PADI6: variants seen among roughly 807,000 people sequenced by gnomAD.
PADI6 encodes peptidyl arginine deiminase 6, also known as inactive protein-arginine deiminase type-6.
Under a neutral mutation model 78.2 loss-of-function variants are expected in PADI6, and 66 were observed. That is an observed-to-expected ratio of 0.84 (90% CI 0.69 to 1.04). The LOEUF (loss-of-function observed/expected upper bound fraction) is 1.04. PADI6 is among the 50% of genes least tolerant of loss of function. The pLI, the probability that PADI6 is intolerant of heterozygous loss-of-function variation, is 0.00. For missense variants in PADI6, 854 were observed against 866.1 expected (o/e 0.99, Z 0.18); for synonymous variants, 397 against 346.9 (o/e 1.14, Z -1.60).
intron 14 of PADI6, 105 bp downstream of exon 14, chr1:17,397,246 G>C: frequency 8.1e-7 from 1 of 1,233,944 alleles, no homozygotes; most frequent in Non-Finnish European, 1.2e-6. Flanking sequence ...GTTGGGCGGC[G>C]GGGGGCAGCT....
chr1:17,387,002 C>T (rs76091257), intron 6 of PADI6, among the ~76,000 whole-genome samples: 3,120 of 152,054 alleles, frequency 0.021, 126 homozygotes, highest in African/African-American at 0.07. Context: ...AGCTTAGGAT[C>T]CCCTGAAATA....
chr1:17,389,970 G>A (rs2075166111), intron 8 of PADI6, among the ~76,000 whole-genome samples: 1 of 152,192 alleles, frequency 6.6e-6, no homozygotes. Context: ...AAAGGATAAT[G>A]CTGATGGAAT....
chr1:17,401,366 CGG>C lies in PADI6; in HGVS notation c.2014_2015del (p.Gly672ArgfsTer46), dbSNP rs748684371. Reference sequence around the variant, plus strand: ...ACTTTGACTGTTACCTGACAGAGGTCGGAGACATCTGTGCCTGTGCCAACATC... The same window carrying C: ...ACTTTGACTGTTACCTGACAGAGGTCAGACATCTGTGCCTGTGCCAACATC... ...NDFDCYLTEV[G>X]DICACANIRR... On this transcript the variant is annotated frameshift_variant, in exon 16 of 16. Coordinates refer to ENST00000619609, the MANE Select transcript of PADI6 (RefSeq NM_207421.4). LOFTEE classifies it high-confidence loss of function. The C allele has an allele frequency of 1.9e-6, 3 of 1,614,058 alleles. No individual in the cohort carries two copies. In the Admixed American group the frequency reaches 5.0e-5, roughly 27 times the overall value.
At chr1:17,400,623 C>T (rs527545571) in intron 15 of PADI6, among the ~76,000 whole-genome samples, 19 of 152,322 alleles carry the variant, frequency 1.2e-4, no homozygotes, top group African/African-American at 3.6e-4. Flanking sequence ...CAAGCCTATG[C>T]CGACTGTGGC....
intron 6 of PADI6, among the ~76,000 whole-genome samples, chr1:17,382,539 C>A (rs973210356): frequency 6.6e-6 from 1 of 152,198 alleles, no homozygotes; most frequent in East Asian, 1.9e-4. Context: ...CACGGTAGCA[C>A]CTGCATCCCA....
In PADI6 at chr1:17,391,094, AT is replaced by A. The variant is rs1394425883; in HGVS notation, c.963-1018del. Among the ~76,000 whole-genome samples, 4 of 152,228 alleles carry A rather than the reference AT, an allele frequency of 2.6e-5. No homozygotes were observed. In the East Asian group the frequency reaches 7.7e-4, roughly 29 times the overall value. ...GCCAGTAGTTACATTGCTGTATTCT[AT>A]TAGTAGCAACATGAGCTTTGGACCT... On this transcript the variant is annotated intron_variant, in intron 8 of 15. Coordinates refer to ENST00000619609, the MANE Select transcript of PADI6 (RefSeq NM_207421.4).
intron 13 of PADI6, 70 bp downstream of exon 13, chr1:17,395,733 CA>C: frequency 6.6e-7 from 1 of 1,523,620 alleles, no homozygotes. Flanking sequence ...TCTACATAGC[CA>C]TTCTGTCACG....
Position 17,401,400 on chromosome 1 carries a change from G to A in PADI6, c.2047G>A (p.Val683Met). 19 of 1,614,044 alleles carry A rather than the reference G, an allele frequency of 1.2e-5. No homozygotes were observed. Among genetic ancestry groups the A allele is most frequent in the Non-Finnish European group, 1.6e-5 (19 of 1,179,902 alleles). Residue 683 changes from valine (V) to methionine (M), a missense_variant, in exon 16 of 16, where the codon GTG becomes ATG. Val to Met is a conservative substitution (Grantham distance 21). Coordinates refer to ENST00000619609, the MANE Select transcript of PADI6 (RefSeq NM_207421.4). ...DICACANIRR[V>M]PFAFKWWKMV... The stretch of plus-strand genomic sequence containing the variant: ...CTGTGCCTGTGCCAACATCCGCCGG[G>A]TGCCCTTTGCCTTCAAATGGTGGAA...
intron 8 of PADI6, among the ~76,000 whole-genome samples, chr1:17,390,452 C>T (rs1322637804): frequency 6.6e-6 from 1 of 151,582 alleles, no homozygotes; most frequent in Non-Finnish European, 1.5e-5. Context: ...ATACAAAAAA[C>T]AATTAGCCAG....
At position 17,382,072 on chromosome 1, in the gene PADI6, C is replaced by CTCT. The variant is rs1557599518; in HGVS notation, c.659_660insTCT (p.Ala220_Arg221insLeu). 4 of 1,613,758 alleles carry CTCT rather than the reference C, an allele frequency of 2.5e-6. No individual in the cohort carries two copies. In the African/African-American group the frequency reaches 5.3e-5, roughly 22 times the overall value. The stretch of plus-strand genomic sequence containing the variant: ...ACCTCCAAGGAAGAGTCGAAGAAGG[C>CTCT]GAGAGTCTACTGGCCCCAAAGTGAG... On this transcript the variant is annotated inframe_insertion, in exon 6 of 16. Coordinates refer to ENST00000619609, the MANE Select transcript of PADI6 (RefSeq NM_207421.4).
Position 17,391,614 on chromosome 1 carries a change from C to T in PADI6, c.963-500C>T, listed in dbSNP as rs989115989. Among the ~76,000 whole-genome samples, 7 of 152,308 alleles carry T rather than the reference C, an allele frequency of 4.6e-5. No individual in the cohort carries two copies. In the East Asian group the frequency reaches 9.6e-4, roughly 21 times the overall value. On this transcript the variant is annotated intron_variant, in intron 8 of 15. Coordinates refer to ENST00000619609, the MANE Select transcript of PADI6 (RefSeq NM_207421.4). Reference sequence around the variant, plus strand: ...TCTGTGAGCCTGATGCTGTGCACAACGGCTTGAAGACCCCAGGGCTCAAGA... The same window carrying T: ...TCTGTGAGCCTGATGCTGTGCACAATGGCTTGAAGACCCCAGGGCTCAAGA...
At chr1:17,383,566 G>A (rs1350725353) in intron 6 of PADI6, among the ~76,000 whole-genome samples, 8 of 152,228 alleles carry the variant, frequency 5.3e-5, no homozygotes, top group Non-Finnish European at 8.8e-5. Context: ...AGCTTATTCA[G>A]GCTGGGCGTG....
At chr1:17,385,753 G>A (rs2075113133) in intron 6 of PADI6, among the ~76,000 whole-genome samples, 1 of 152,178 alleles carries the variant, frequency 6.6e-6, no homozygotes, top group African/African-American at 2.4e-5. Context: ...CCAAAAGAAA[G>A]GGGTAGCTGG....
At chr1:17,393,386 G>A (rs1345747818) in intron 9 of PADI6, among the ~76,000 whole-genome samples, 3 of 152,192 alleles carry the variant, frequency 2.0e-5, no homozygotes, top group African/African-American at 4.8e-5. Flanking sequence ...GAATAGAAGC[G>A]AAACTGGAAG....
intron 3 of PADI6, among the ~76,000 whole-genome samples, chr1:17,375,942 C>G (rs565078238): frequency 6.6e-6 from 1 of 152,136 alleles, no homozygotes; most frequent in South Asian, 2.1e-4. Context: ...TAGATCACCC[C>G]CATCAGCTCA....
At chr1:17,375,648 G>T in intron 3 of PADI6, 149 bp downstream of exon 3, 1 of 662,186 alleles carries the variant, frequency 1.5e-6, no homozygotes, top group Non-Finnish European at 2.6e-6. Context: ...CTCCTAAATG[G>T]ATTCATTTGA....
intron 15 of PADI6, among the ~76,000 whole-genome samples, chr1:17,399,465 C>T (rs2075280732): frequency 1.3e-5 from 2 of 152,216 alleles, no homozygotes; most frequent in Admixed American, 1.3e-4. Flanking sequence ...TGTGGTAGCA[C>T]ATGCCTGTAA....
rs571813435 is a variant in PADI6, at chr1:17,390,686, G to GA, written c.963-1427dup. On this transcript the variant is annotated intron_variant, in intron 8 of 15. Transcript: ENST00000619609. The stretch of plus-strand genomic sequence containing the variant: ...GCTTTTCCAGGGCAGGGCTCCTGGG[G>GA]AGTGTGGTCCTCAGAGGAATAGCAG... 1.4e-4 allele frequency among the ~76,000 whole-genome samples: 21 copies of GA among 152,192 alleles called. No homozygotes were observed. The South Asian group carries it at 3.3e-3, about 24-fold the overall frequency.
chr1:17,388,964 A>G, intron 8 of PADI6, 84 bp downstream of exon 8: 5 of 1,102,822 alleles, frequency 4.5e-6, no homozygotes, highest in Non-Finnish European at 6.7e-6. Context: ...GGGTGGGTGA[A>G]GATGACTAGG....
Sources: gnomAD v4.1 joint callset for allele counts (sites outside exome capture counted in the v4.1 genomes callset) on GRCh38, gnomAD v4.1.1 for gene constraint, MANE v1.5 for transcripts, NCBI Gene and HGNC (gene_info 2026-07-23, HGNC 2026-07-21) for gene names.